RAG1: variants seen among roughly 807,000 people sequenced by gnomAD.
RAG1 encodes the protein V(D)J recombination-activating protein 1.
RAG1 carries 35 observed loss-of-function variants against 62.7 expected under a neutral mutation model. The ratio of observed to expected loss-of-function variants is 0.56; its 90% CI spans 0.43 to 0.74. RAG1 has a LOEUF of 0.74. Ranked by LOEUF, RAG1 falls within the 30% of genes least tolerant of loss-of-function variation. The pLI, the probability that RAG1 is intolerant of heterozygous loss-of-function variation, is 0.00. For missense variants in RAG1, 1,169 were observed against 1,278.6 expected (o/e 0.91, Z 1.31); for synonymous variants, 461 against 470.3 (o/e 0.98, Z 0.26).
chr11:36,529,153 T>G (rs1326204982), intron 2 of RAG1, among the ~76,000 whole-genome samples: 4 of 152,130 alleles, frequency 2.6e-5, no homozygotes, highest in African/African-American at 9.7e-5. Flanking sequence ...GAGGCCAGCA[T>G]CATCCTGATA....
intron 3 of RAG1, among the ~76,000 whole-genome samples, chr11:36,543,939 T>C (rs1214166111): frequency 2.6e-5 from 4 of 152,222 alleles, no homozygotes. Flanking sequence ...TTTTCCAATT[T>C]AATAGACATT....
At chr11:36,561,825 A>G (rs999707919) in intron 3 of RAG1, among the ~76,000 whole-genome samples, 2 of 152,186 alleles carry the variant, frequency 1.3e-5, no homozygotes, top group African/African-American at 4.8e-5. Context: ...GATAGCCTCC[A>G]TAATTGTGTG....
At chr11:36,522,672 T>A (rs1860100336) in intron 2 of RAG1, among the ~76,000 whole-genome samples, 1 of 152,180 alleles carries the variant, frequency 6.6e-6, no homozygotes, top group Admixed American at 6.5e-5. Context: ...ACTGACAGCT[T>A]GCACTGTTTG....
At chr11:36,525,980 A>G (rs1860155961) in intron 2 of RAG1, among the ~76,000 whole-genome samples, 1 of 152,212 alleles carries the variant, frequency 6.6e-6, no homozygotes, top group Non-Finnish European at 1.5e-5. Context: ...CAGAGTTGTT[A>G]GAATGGTCGA....
intron 2 of RAG1, among the ~76,000 whole-genome samples, chr11:36,523,399 C>T (rs1157355271): frequency 2.6e-5 from 4 of 152,170 alleles, no homozygotes; most frequent in Non-Finnish European, 5.9e-5. Flanking sequence ...CTTGCTCCTC[C>T]TTGCTTTCCA....
intron 1 of RAG1, among the ~76,000 whole-genome samples, chr11:36,516,363 C>T (rs1859996109): frequency 6.6e-6 from 1 of 152,248 alleles, no homozygotes; most frequent in Non-Finnish European, 1.5e-5. Flanking sequence ...GCTCTGTCGC[C>T]CAGGCTGGAG....
In RAG1 at chr11:36,574,278, G is replaced by A. The variant is rs201462389; in HGVS notation, c.974G>A (p.Gly325Asp). The A allele has an allele frequency of 2.1e-4, 334 of 1,614,080 alleles. 3 individuals carry two copies. Among genetic ancestry groups the A allele is most frequent in the Non-Finnish European group, 5.1e-5 (60 of 1,180,044 alleles). The change falls in exon 2 of 2, where the codon GGC becomes GAC. Residue 325 changes from glycine (G) to aspartate (D), a missense_variant. Gly to Asp is a moderately conservative substitution (Grantham distance 94, BLOSUM62 -1). Around this residue, in one of 2 missense-constraint regions of RAG1, gnomAD observed 800 missense variants for 943.3 expected, o/e 0.85. Coordinates refer to ENST00000299440, the MANE Select transcript of RAG1 (RefSeq NM_000448.3). ...ATTCTCAGATGCCTCAAAGTCATGG[G>A]CAGCTATTGTCCCTCTTGCCGATAT... is the stretch of plus-strand genomic sequence containing the variant. ...VCILRCLKVMGSYCPSCRYPC... is the reference protein window; with the variant it reads ...VCILRCLKVMDSYCPSCRYPC...
intron 3 of RAG1, among the ~76,000 whole-genome samples, chr11:36,543,971 A>G (rs1850353020): frequency 6.6e-6 from 1 of 152,242 alleles, no homozygotes; most frequent in Non-Finnish European, 1.5e-5. Flanking sequence ...TCAAAGATAC[A>G]GAGAAATTGA....
intron 3 of RAG1, among the ~76,000 whole-genome samples, chr11:36,551,575 A>C (rs1022183414): frequency 1.3e-5 from 2 of 150,134 alleles, no homozygotes; most frequent in Non-Finnish European, 3.0e-5. Flanking sequence ...GGCTCACCTA[A>C]TGACCTCATT....
intron 2 of RAG1, among the ~76,000 whole-genome samples, chr11:36,525,794 G>GT (rs1048162302): frequency 6.6e-6 from 1 of 152,018 alleles, no homozygotes; most frequent in African/African-American, 2.4e-5. Context: ...TTCTAGGAGG[G>GT]TTTTTTTGTG....
intron 3 of RAG1, among the ~76,000 whole-genome samples, chr11:36,542,254 T>C (rs1850317544): frequency 6.6e-6 from 1 of 152,216 alleles, no homozygotes. Context: ...TTAATTTAGC[T>C]GAACAAAGTG....
At position 36,573,917 on chromosome 11, in the gene RAG1, C is replaced by T; in HGVS notation, c.613C>T (p.His205Tyr). The T allele has an allele frequency of 6.2e-7, 1 of 1,614,140 alleles. No individual in the cohort carries two copies. The highest frequency in any genetic ancestry group is 8.5e-7 in the Non-Finnish European group (1 of 1,180,030). The change falls in exon 2 of 2, where the codon CAC becomes TAC. Residue 205 changes from histidine (H) to tyrosine (Y), a missense_variant. This residue lies in a region of RAG1 where 369 missense variants were observed against 335.3 expected (regional missense o/e 1.10). Coordinates refer to ENST00000299440, the MANE Select transcript of RAG1 (RefSeq NM_000448.3). Reference sequence around the variant, plus strand: ...CCCGAGGAACGTGACCATGGAGTGGCACCCCCACACACCATCCTGTGACAT... The same window carrying T: ...CCCGAGGAACGTGACCATGGAGTGGTACCCCCACACACCATCCTGTGACAT... Reference protein sequence around the residue: ...YFPRNVTMEWHPHTPSCDICN... With the variant: ...YFPRNVTMEWYPHTPSCDICN...
At chr11:36,532,163 A>G (rs1261564804) in intron 2 of RAG1, among the ~76,000 whole-genome samples, 2 of 152,038 alleles carry the variant, frequency 1.3e-5, no homozygotes, top group East Asian at 3.8e-4. Context: ...TTTTGAATAG[A>G]AAATCACTAG....
At chr11:36,545,822 G>T (rs1345647882) in intron 3 of RAG1, among the ~76,000 whole-genome samples, 2 of 152,140 alleles carry the variant, frequency 1.3e-5, no homozygotes, top group Non-Finnish European at 2.9e-5. Flanking sequence ...TGGTTTCAAA[G>T]AACTTATGTC....
rs751731050 is a variant in RAG1 at position 36,525,276 on chromosome 11, A to G, written n.428+5047A>G. ...GATTTTTATGTCTATCCCTCCACCAATGCTACAAAGTTGTGATTACTGTAG... is the reference window on the plus strand; with the variant it reads ...GATTTTTATGTCTATCCCTCCACCAGTGCTACAAAGTTGTGATTACTGTAG... On this transcript the variant is annotated intron_variant and non_coding_transcript_variant, in intron 2 of 2. Coordinates refer to the RAG1 transcript ENST00000529126. 1.2e-3 allele frequency among the ~76,000 whole-genome samples: 179 copies of G among 152,170 alleles called. 4 individuals carry two copies. The highest frequency in any genetic ancestry group is 2.1e-4 in the Non-Finnish European group (14 of 68,034).
intron 3 of RAG1, among the ~76,000 whole-genome samples, chr11:36,563,000 T>TACAC (rs1295369851): frequency 6.6e-6 from 1 of 152,172 alleles, no homozygotes; most frequent in Admixed American, 6.5e-5. Context: ...CATTCATTTG[T>TACAC]ACACACACAC....
chr11:36,531,542 AAC>A (rs1374787629), intron 2 of RAG1, among the ~76,000 whole-genome samples: 1 of 151,904 alleles, frequency 6.6e-6, no homozygotes, highest in Non-Finnish European at 1.5e-5. Flanking sequence ...GATTTATATA[AAC>A]AGTCTATACA....
intron 3 of RAG1, among the ~76,000 whole-genome samples, chr11:36,547,128 A>G (rs1850405845): frequency 6.6e-6 from 1 of 152,116 alleles, no homozygotes; most frequent in Non-Finnish European, 1.5e-5. Context: ...GAGCTAAAGC[A>G]GTGTTTAGAG....
intron 2 of RAG1, among the ~76,000 whole-genome samples, chr11:36,531,358 G>T (rs563509317): frequency 1.3e-5 from 2 of 151,764 alleles, no homozygotes; most frequent in East Asian, 3.9e-4. Context: ...GCTTAAGTCT[G>T]CTATTTTATT....
Sources: allele counts gnomAD v4.1 joint callset (sites outside exome capture counted in the v4.1 genomes callset), GRCh38; gene constraint gnomAD v4.1.1; regional missense constraint gnomAD v4.1.1; transcripts MANE v1.5; gene names NCBI Gene and HGNC (gene_info 2026-07-23, HGNC 2026-07-21).